The following PLCL1 variants were observed in gnomAD, a reference collection of about 807,000 sequenced individuals.
PLCL1 encodes the protein phospholipase C like 1 (inactive), also known as inactive phospholipase C-like protein 1.
PLCL1 carries 41 observed loss-of-function variants against 84.4 expected under a neutral mutation model. The observed-to-expected ratio is 0.49, with a 90% CI of 0.38 to 0.63. PLCL1 has a LOEUF of 0.63. Among genes scored for constraint, PLCL1 ranks in the 30% least tolerant of loss-of-function variants. The probability of loss-of-function intolerance (pLI) is 0.00; values close to 1 mark genes in which losing one functional copy is unlikely to be tolerated. For missense variants in PLCL1, 1,206 were observed against 1,367.8 expected, an observed-to-expected ratio of 0.88 and a Z score of 1.87; for synonymous variants, 490 against 488.3, an observed-to-expected ratio of 1.00 and a Z score of -0.05.
intron 1 of PLCL1, among the ~76,000 whole-genome samples, chr2:197,980,672 C>A (rs1690084088): frequency 6.6e-6 from 1 of 152,118 alleles, no homozygotes; most frequent in Admixed American, 6.5e-5. Context: ...ACTGGAAATA[C>A]AGCAGTGAAA....
intron 1 of PLCL1, among the ~76,000 whole-genome samples, chr2:197,930,066 A>G (rs551723592): frequency 1.1e-4 from 16 of 152,246 alleles, no homozygotes; most frequent in African/African-American, 3.6e-4. Flanking sequence ...AATGCCTACT[A>G]ATCTTGGAAC....
At chr2:198,094,927 T>C (rs1693156454) in intron 3 of PLCL1, among the ~76,000 whole-genome samples, 1 of 152,168 alleles carries the variant, frequency 6.6e-6, no homozygotes. Context: ...ATAAAACGTG[T>C]CACGGCTGGA....
chr2:198,077,539 C>T (rs1363693284), intron 1 of PLCL1, among the ~76,000 whole-genome samples: 2 of 152,086 alleles, frequency 1.3e-5, no homozygotes, highest in African/African-American at 2.4e-5. Context: ...TAGGTCTTCT[C>T]TCCTGCCCAG....
intron 5 of PLCL1, among the ~76,000 whole-genome samples, chr2:198,124,140 A>G (rs182451345): frequency 6.6e-6 from 1 of 152,224 alleles, no homozygotes; most frequent in African/African-American, 2.4e-5. Context: ...TAATTTAATT[A>G]GGATGCATTT....
At chr2:197,920,938 T>C (rs1290701107) in intron 1 of PLCL1, among the ~76,000 whole-genome samples, 1 of 152,250 alleles carries the variant, frequency 6.6e-6, no homozygotes, top group Non-Finnish European at 1.5e-5. Flanking sequence ...ATCTAGTGAT[T>C]GTACAGTCAT....
At chr2:197,917,286 A>C (rs1688615829) in intron 1 of PLCL1, among the ~76,000 whole-genome samples, 1 of 152,260 alleles carries the variant, frequency 6.6e-6, no homozygotes, top group Non-Finnish European at 1.5e-5. Flanking sequence ...AAATTGTGGT[A>C]TATCATAAAA....
At chr2:197,872,087 T>A (rs2105705732) in intron 1 of PLCL1, among the ~76,000 whole-genome samples, 2 of 152,304 alleles carry the variant, frequency 1.3e-5, no homozygotes, top group Non-Finnish European at 2.9e-5. Context: ...TAACTCGGAC[T>A]AATATTTACA....
intron 2 of PLCL1, among the ~76,000 whole-genome samples, 183 bp downstream of exon 2, chr2:198,086,415 G>C (rs1345074817): frequency 1.3e-5 from 2 of 152,152 alleles, no homozygotes; most frequent in Non-Finnish European, 2.9e-5. Context: ...GAGGCCAGGA[G>C]TTCGAGGCCA....
chr2:197,831,012 A>G (rs917470652), intron 1 of PLCL1, among the ~76,000 whole-genome samples: 14 of 152,344 alleles, frequency 9.2e-5, no homozygotes, highest in Admixed American at 6.5e-5. Flanking sequence ...GAGCTCCTGA[A>G]GGAAGCAGTA....
At chr2:197,977,128 G>C (rs1574979140) in intron 1 of PLCL1, among the ~76,000 whole-genome samples, 1 of 152,054 alleles carries the variant, frequency 6.6e-6, no homozygotes, top group African/African-American at 2.4e-5. Context: ...GTATTACTGA[G>C]TACAAAAAAA....
chr2:198,030,867 G>A (rs1691397015), intron 1 of PLCL1, among the ~76,000 whole-genome samples: 1 of 152,184 alleles, frequency 6.6e-6, no homozygotes, highest in South Asian at 2.1e-4. Context: ...GAGCTATTGA[G>A]TGTTGTAATA....
At chr2:198,071,128 AC>A (rs1297319796) in intron 1 of PLCL1, 76 of 186,368 alleles carry the variant, frequency 4.1e-4, no homozygotes, top group Admixed American at 1.9e-3. Flanking sequence ...ACACACACAC[AC>A]ACACACACAA....
intron 1 of PLCL1, among the ~76,000 whole-genome samples, chr2:197,841,001 C>CT (rs1279504335): frequency 1.3e-5 from 2 of 152,124 alleles, no homozygotes; most frequent in South Asian, 2.1e-4. Context: ...TCAGGGCTAA[C>CT]TTTTTTTTAA....
chr2:198,090,999 T>C (rs1693014765), intron 3 of PLCL1, among the ~76,000 whole-genome samples: 1 of 152,198 alleles, frequency 6.6e-6, no homozygotes, highest in Non-Finnish European at 1.5e-5. Flanking sequence ...CAAATTGTAA[T>C]TGCAGGCAGA....
intron 1 of PLCL1, among the ~76,000 whole-genome samples, chr2:197,849,327 G>T (rs1016788989): frequency 6.6e-6 from 1 of 152,146 alleles, no homozygotes; most frequent in Non-Finnish European, 1.5e-5. Flanking sequence ...TGGGAGGATT[G>T]CTTGAGGCCA....
chr2:198,084,222 C>G lies in PLCL1; in HGVS notation c.705C>G (p.Asn235Lys). The change falls in exon 2 of 6, where the codon AAC (asparagine) becomes AAG (lysine). Residue 235 changes from asparagine to lysine, a missense_variant. Transcript: ENST00000428675. ...AGCCTCTTGATTTTATGGAGGGCAA[C>G]CAGAACACACCACGGTTCATGTGGT... ...SKQPLDFMEG[N>K]QNTPRFMWLK... 2.5e-6 allele frequency: 4 copies of G among 1,613,988 alleles called. No homozygotes were observed. Among genetic ancestry groups the G allele is most frequent in the East Asian group, 2.2e-5 (1 of 44,868 alleles).
chr2:198,052,484 G>T (rs1691959634), intron 1 of PLCL1, among the ~76,000 whole-genome samples: 1 of 151,404 alleles, frequency 6.6e-6, no homozygotes, highest in South Asian at 2.1e-4. Flanking sequence ...GACTTTGGTG[G>T]TATGAGTTCA....
At chr2:197,855,404 T>A (rs1382492199) in intron 1 of PLCL1, among the ~76,000 whole-genome samples, 1 of 152,210 alleles carries the variant, frequency 6.6e-6, no homozygotes, top group Non-Finnish European at 1.5e-5. Flanking sequence ...AATCTGGTCA[T>A]TCACAACAAA....
chr2:197,992,704 C>T (rs1402128178), intron 1 of PLCL1, among the ~76,000 whole-genome samples: 1 of 152,168 alleles, frequency 6.6e-6, no homozygotes, highest in East Asian at 1.9e-4. Flanking sequence ...ACTAACCCTC[C>T]ATTTGCTCCT....
Sources: gnomAD v4.1 joint callset for allele counts (sites outside exome capture counted in the v4.1 genomes callset) on GRCh38, gnomAD v4.1.1 for gene constraint, MANE v1.5 for transcripts, NCBI Gene and HGNC (gene_info 2026-07-23, HGNC 2026-07-21) for gene names.